Variants in ADAM12 observed in about 807,000 individuals in gnomAD.
ADAM12 encodes the protein ADAM metallopeptidase domain 12.
Under a neutral mutation model 106.4 loss-of-function variants are expected in ADAM12, and 70 were observed. The observed-to-expected ratio is 0.66, with a 90% CI of 0.54 to 0.80. The LOEUF (loss-of-function observed/expected upper bound fraction) is 0.80. Among genes scored for constraint, ADAM12 ranks in the 30% least tolerant of loss-of-function variants. ADAM12 has a pLI of 0.00. For missense variants in ADAM12, 1,010 were observed against 1,171.9 expected, an observed-to-expected ratio of 0.86 and a Z score of 2.02; for synonymous variants, 420 against 433.5, an observed-to-expected ratio of 0.97 and a Z score of 0.39.
intron 1 of ADAM12, among the ~76,000 whole-genome samples, chr10:126,333,454 G>T (rs1854591129): frequency 6.6e-6 from 1 of 152,212 alleles, no homozygotes; most frequent in Admixed American, 6.5e-5. Flanking sequence ...CTTCCCTTGA[G>T]AAGCTGTATG....
intron 3 of ADAM12, among the ~76,000 whole-genome samples, chr10:126,197,542 A>T (rs567091934): frequency 9.2e-5 from 14 of 152,314 alleles, no homozygotes; most frequent in African/African-American, 3.4e-4. Context: ...AGGAGTCCGA[A>T]GAGGAGCAGC....
At chr10:126,387,478 A>G (rs1422568418) in intron 1 of ADAM12, among the ~76,000 whole-genome samples, 1 of 152,164 alleles carries the variant, frequency 6.6e-6, no homozygotes, top group East Asian at 1.9e-4. Context: ...AGCCAGGAAG[A>G]GGGGCAGAGA....
chr10:126,383,122 A>T (rs1277910213), intron 1 of ADAM12, among the ~76,000 whole-genome samples: 3 of 151,866 alleles, frequency 2.0e-5, no homozygotes, highest in African/African-American at 4.8e-5. Context: ...TTTTTTAAAA[A>T]TTTTTTGTTG....
chr10:126,259,150 A>G (rs1247829499), intron 3 of ADAM12, among the ~76,000 whole-genome samples: 1 of 151,952 alleles, frequency 6.6e-6, no homozygotes, highest in African/African-American at 2.4e-5. Flanking sequence ...GGTGGTCTGT[A>G]TCTAACAGAC....
rs146470108 is a variant in ADAM12 at position 126,210,284 on chromosome 10, C to T, written c.261-54979G>A. 6.6e-5 allele frequency among the ~76,000 whole-genome samples: 10 copies of T among 152,324 alleles called. No homozygotes were observed. The East Asian group carries it at 1.9e-3, about 29-fold the overall frequency. ...GCTTTCCTCTGTGTCAGGCGCCGTG[C>T]TGGTCATTCTATAAATGTTATAAAT... On this transcript the variant is annotated intron_variant, in intron 3 of 22. Coordinates refer to ENST00000448723, the MANE Select transcript of ADAM12 (RefSeq NM_001288973.2).
chr10:126,098,041 C>T (rs1044195547), intron 10 of ADAM12, among the ~76,000 whole-genome samples: 3 of 152,190 alleles, frequency 2.0e-5, no homozygotes, highest in Non-Finnish European at 2.9e-5. Flanking sequence ...ACCATCCAAA[C>T]GGGAACGTCT....
intron 5 of ADAM12, among the ~76,000 whole-genome samples, chr10:126,125,427 T>C (rs1472651579): frequency 6.6e-6 from 1 of 151,898 alleles, no homozygotes; most frequent in Non-Finnish European, 1.5e-5. Flanking sequence ...GTATTTTTAG[T>C]AGAGATGGGG....
chr10:126,341,334 A>G (rs926903722), intron 1 of ADAM12, among the ~76,000 whole-genome samples: 8 of 152,202 alleles, frequency 5.3e-5, no homozygotes, highest in Non-Finnish European at 1.0e-4. Context: ...TGTGCAGACA[A>G]GTATTTGTGC....
At chr10:126,245,808 G>A (rs1958617475) in intron 3 of ADAM12, among the ~76,000 whole-genome samples, 1 of 152,166 alleles carries the variant, frequency 6.6e-6, no homozygotes, top group South Asian at 2.1e-4. Flanking sequence ...TGGCAAGAAA[G>A]TGGCCCTTTC....
intron 3 of ADAM12, among the ~76,000 whole-genome samples, chr10:126,165,786 C>T (rs552997380): frequency 5.9e-5 from 9 of 152,328 alleles, no homozygotes; most frequent in South Asian, 4.1e-4. Flanking sequence ...CACTTGAAAA[C>T]GGTGCTACGC....
chr10:126,310,560 A>C (rs755954737), intron 2 of ADAM12, among the ~76,000 whole-genome samples: 15 of 152,204 alleles, frequency 9.9e-5, no homozygotes, highest in Non-Finnish European at 2.2e-4. Flanking sequence ...GGTACACAGC[A>C]GCCACTAAAA....
chr10:126,137,693 T>A, intron 4 of ADAM12, among the ~76,000 whole-genome samples: 1 of 152,218 alleles, frequency 6.6e-6, no homozygotes, highest in East Asian at 1.9e-4. Context: ...TCAAGTTCAT[T>A]CATACTGAGG....
intron 17 of ADAM12, among the ~76,000 whole-genome samples, chr10:126,044,338 AG>A (rs2133421835): frequency 6.6e-6 from 1 of 152,276 alleles, no homozygotes; most frequent in South Asian, 2.1e-4. Flanking sequence ...GGATTAAAAA[AG>A]AGAAATCACT....
chr10:126,118,506 C>T (rs1227078350), intron 5 of ADAM12, among the ~76,000 whole-genome samples: 1 of 152,108 alleles, frequency 6.6e-6, no homozygotes, highest in Non-Finnish European at 1.5e-5. Context: ...CTTTTTATGT[C>T]TCAAAGATAT....
chr10:126,340,744 G>A (rs2133868404), intron 1 of ADAM12, among the ~76,000 whole-genome samples: 1 of 149,024 alleles, frequency 6.7e-6, no homozygotes, highest in Middle Eastern at 3.5e-3. Context: ...TTGAGGTGGA[G>A]TCTCACTCTG....
At position 126,121,961 on chromosome 10, in the gene ADAM12, A is replaced by G. The variant is rs75896002; in HGVS notation, c.417-3737T>C. 1.3e-3 allele frequency among the ~76,000 whole-genome samples: 203 copies of G among 152,244 alleles called. 1 individual carries two copies. The East Asian group carries it at 0.032, about 24-fold the overall frequency. ...CACCAATCCTGTTTTATGAGTTGTC[A>G]TGGGCAATGGGAGAAACAGATCTAT... On this transcript the variant is annotated intron_variant, in intron 5 of 22. Transcript: ENST00000448723.
chr10:126,367,164 G>A (rs1050996810), intron 1 of ADAM12, among the ~76,000 whole-genome samples: 14 of 151,912 alleles, frequency 9.2e-5, no homozygotes, highest in Admixed American at 6.6e-4. Flanking sequence ...AAGACTATAA[G>A]CTGGAGTATA....
In ADAM12 at chr10:126,101,206, T is replaced by C; in HGVS notation, c.777A>G (p.Val259=). The change falls in exon 9 of 23, where the codon GTA becomes GTG. Residue 259 remains valine, a synonymous_variant. Transcript: ENST00000448723. ...CCATGTCATTCCACACTTCCACGCC[T>C]ACCAACACGATCCGAATGTTCAGTG... ...YRPLNIRIVL[V]GVEVWNDMDK... is the part of the protein sequence containing the mutation. 6.2e-7 allele frequency: 1 copy of C among 1,614,154 alleles called. No homozygotes were observed. The highest frequency in any genetic ancestry group is 8.5e-7 in the Non-Finnish European group (1 of 1,180,012).
chr10:126,319,286 A>G (rs552517658), intron 2 of ADAM12, among the ~76,000 whole-genome samples: 2 of 152,168 alleles, frequency 1.3e-5, no homozygotes, highest in Non-Finnish European at 2.9e-5. Context: ...TCCAGGCAAC[A>G]CAGCATGGGA....
Sources: allele counts gnomAD v4.1 joint callset (sites outside exome capture counted in the v4.1 genomes callset), GRCh38; gene constraint gnomAD v4.1.1; transcripts MANE v1.5; gene names NCBI Gene and HGNC (gene_info 2026-07-23, HGNC 2026-07-21).